The following NKAIN2 variants were observed in gnomAD, a reference collection of about 807,000 sequenced individuals.
The protein encoded by NKAIN2 is sodium/potassium-transporting ATPase subunit beta-1-interacting protein 2.
Under a neutral mutation model 32.6 loss-of-function variants are expected in NKAIN2, and 14 were observed. The observed-to-expected ratio is 0.43, with a 90% CI of 0.28 to 0.67. NKAIN2 has a LOEUF of 0.67. Ranked by LOEUF, NKAIN2 falls within the 30% of genes least tolerant of loss-of-function variation. The pLI is 0.17. For synonymous variants in NKAIN2, 80 were observed against 87.2 expected, an observed-to-expected ratio of 0.92 and a Z score of 0.46; for missense variants, 198 against 258.3, an observed-to-expected ratio of 0.77 and a Z score of 1.60.
intron 1 of NKAIN2, among the ~76,000 whole-genome samples, chr6:124,276,443 TC>T (rs1795035640): frequency 6.6e-6 from 1 of 152,120 alleles, no homozygotes; most frequent in South Asian, 2.1e-4. Context: ...TTATCTTTGC[TC>T]CTATTTTACA....
rs181521844 is a variant in NKAIN2, at chr6:124,745,685, T to G, written c.475-45654T>G. ...GACTTAAATAAGGAAAATGTTCACA[T>G]ATCCAAAAACAGTATGAATTTTACT... On this transcript the variant is annotated intron_variant, in intron 4 of 6. Coordinates refer to ENST00000368417, the MANE Select transcript of NKAIN2 (RefSeq NM_001040214.3). 4.6e-5 allele frequency among the ~76,000 whole-genome samples: 7 copies of G among 152,028 alleles called. No homozygotes were observed. The East Asian group carries it at 1.4e-3, about 30-fold the overall frequency.
At chr6:124,239,939 A>T (rs914809199) in intron 1 of NKAIN2, among the ~76,000 whole-genome samples, 5 of 152,184 alleles carry the variant, frequency 3.3e-5, no homozygotes, top group Admixed American at 6.6e-5. Context: ...ACCTTCAAAA[A>T]ATCAATGAAT....
At chr6:123,907,980 T>C (rs1237521435) in intron 1 of NKAIN2, among the ~76,000 whole-genome samples, 3 of 152,318 alleles carry the variant, frequency 2.0e-5, no homozygotes, top group African/African-American at 7.2e-5. Flanking sequence ...TTATGCCCTG[T>C]ATTTTGTTGC....
chr6:123,929,607 A>G (rs531923112), intron 1 of NKAIN2, among the ~76,000 whole-genome samples: 2 of 152,262 alleles, frequency 1.3e-5, no homozygotes, highest in South Asian at 2.1e-4. Flanking sequence ...TCTATTATGA[A>G]GTATTTACAT....
chr6:124,288,310 A>G (rs983647357), intron 2 of NKAIN2, among the ~76,000 whole-genome samples: 6 of 152,228 alleles, frequency 3.9e-5, no homozygotes, highest in Admixed American at 1.3e-4. Context: ...TTAGAGGCAC[A>G]GTTCAGAGAC....
intron 1 of NKAIN2, among the ~76,000 whole-genome samples, chr6:123,954,404 G>A: frequency 7.0e-6 from 1 of 142,968 alleles, no homozygotes; most frequent in East Asian, 1.9e-4. Context: ...GGACTATAGG[G>A]GTTCACTCTT....
chr6:124,181,558 ATACTTC>A (rs1789448499), intron 1 of NKAIN2, among the ~76,000 whole-genome samples: 1 of 152,178 alleles, frequency 6.6e-6, no homozygotes, highest in East Asian at 1.9e-4. Context: ...ATAAAATGGA[ATACTTC>A]TAACAGAATG....
At chr6:124,257,506 A>C (rs1453268001) in intron 1 of NKAIN2, among the ~76,000 whole-genome samples, 1 of 152,214 alleles carries the variant, frequency 6.6e-6, no homozygotes, top group Non-Finnish European at 1.5e-5. Flanking sequence ...TGATTATAAA[A>C]TTAGAAATTA....
intron 4 of NKAIN2, among the ~76,000 whole-genome samples, chr6:124,690,006 C>G (rs1774181759): frequency 6.6e-6 from 1 of 152,044 alleles, no homozygotes; most frequent in African/African-American, 2.4e-5. Context: ...GCTGGCATTT[C>G]TATTTGAATT....
Position 124,756,357 on chromosome 6 carries a change from G to A in NKAIN2, c.475-34982G>A, listed in dbSNP as rs139532509. On this transcript the variant is annotated intron_variant, in intron 4 of 6. Transcript: ENST00000368417. The stretch of plus-strand genomic sequence containing the variant: ...TTAGACACAGGTGTGAACCCATTTC[G>A]TTTTTGTTTGTTTGTTTGTTTTGGA... Among the ~76,000 whole-genome samples the A allele has an allele frequency of 6.7e-3, 1,016 of 152,086 alleles. 19 individuals are homozygous for A. Among genetic ancestry groups the A allele is most frequent in the African/African-American group, 0.023 (959 of 41,504 alleles).
At chr6:124,669,151 T>C (rs1772968148) in intron 4 of NKAIN2, among the ~76,000 whole-genome samples, 1 of 152,142 alleles carries the variant, frequency 6.6e-6, no homozygotes, top group African/African-American at 2.4e-5. Context: ...AGTTGCTGTC[T>C]TGGAATACAG....
intron 1 of NKAIN2, among the ~76,000 whole-genome samples, chr6:124,114,746 T>C (rs1278408488): frequency 6.6e-6 from 1 of 152,092 alleles, no homozygotes; most frequent in Non-Finnish European, 1.5e-5. Flanking sequence ...GAGTTTTCAA[T>C]AGAGAAGTAG....
At chr6:124,626,883 C>A (rs1006240244) in intron 3 of NKAIN2, among the ~76,000 whole-genome samples, 1 of 152,130 alleles carries the variant, frequency 6.6e-6, no homozygotes, top group Admixed American at 6.6e-5. Flanking sequence ...GAGAATGAAG[C>A]CCCTTTTTTG....
intron 2 of NKAIN2, among the ~76,000 whole-genome samples, chr6:124,317,339 A>C (rs1174259202): frequency 6.6e-6 from 1 of 152,126 alleles, no homozygotes; most frequent in Non-Finnish European, 1.5e-5. Context: ...CAAGTCATTG[A>C]ATCAAAGTCT....
chr6:124,568,222 A>G (rs578030013), intron 3 of NKAIN2, among the ~76,000 whole-genome samples: 2 of 152,344 alleles, frequency 1.3e-5, no homozygotes, highest in African/African-American at 4.8e-5. Flanking sequence ...AAGTATGAAC[A>G]TAGTGAATAG....
At chr6:124,134,187 C>T (rs1786616871) in intron 1 of NKAIN2, among the ~76,000 whole-genome samples, 1 of 151,200 alleles carries the variant, frequency 6.6e-6, no homozygotes, top group Admixed American at 6.6e-5. Context: ...CATTGCTTTT[C>T]CTAAAGACAA....
chr6:124,258,925 C>T (rs1307035709), intron 1 of NKAIN2, among the ~76,000 whole-genome samples: 1 of 152,134 alleles, frequency 6.6e-6, no homozygotes, highest in African/African-American at 2.4e-5. Context: ...GTGGATGTTC[C>T]TCCAATTATA....
chr6:124,155,680 G>GA (rs951291304), intron 1 of NKAIN2, among the ~76,000 whole-genome samples: 22 of 151,060 alleles, frequency 1.5e-4, no homozygotes, highest in African/African-American at 2.9e-4. Flanking sequence ...GAGATAAATG[G>GA]AAAAAAAATC....
chr6:124,590,673 T>C (rs1037110103), intron 3 of NKAIN2, among the ~76,000 whole-genome samples: 1 of 152,182 alleles, frequency 6.6e-6, no homozygotes, highest in African/African-American at 2.4e-5. Flanking sequence ...AATCCAAGTC[T>C]TAGGTGACTG....
Sources: gnomAD v4.1 joint callset for allele counts (sites outside exome capture counted in the v4.1 genomes callset) on GRCh38, gnomAD v4.1.1 for gene constraint, MANE v1.5 for transcripts, NCBI Gene and HGNC (gene_info 2026-07-23, HGNC 2026-07-21) for gene names.